Variants in ZHX2 observed in about 807,000 individuals in gnomAD.
ZHX2 encodes the protein zinc fingers and homeoboxes 2.
ZHX2 carries 6 observed loss-of-function variants against 21.9 expected under a neutral mutation model. That is an observed-to-expected ratio of 0.27 (90% CI 0.15 to 0.54). The LOEUF (loss-of-function observed/expected upper bound fraction) is 0.54. Ranked by LOEUF, ZHX2 falls within the 20% of genes least tolerant of loss-of-function variation. The probability of loss-of-function intolerance (pLI) is 0.95; values close to 1 mark genes in which losing one functional copy is unlikely to be tolerated. For synonymous variants in ZHX2, 434 were observed against 437.1 expected, an observed-to-expected ratio of 0.99 and a Z score of 0.09; for missense variants, 908 against 1,090.7, an observed-to-expected ratio of 0.83 and a Z score of 2.36.
At chr8:122,912,862 G>A (rs60158415) in intron 2 of ZHX2, among the ~76,000 whole-genome samples, 44,486 of 151,406 alleles carry the variant, frequency 0.29, 8,033 homozygotes, top group African/African-American at 0.52. Flanking sequence ...TTAAGAAAAA[G>A]AAAAACAGCT....
rs79577307 is a variant in ZHX2 at position 122,899,707 on chromosome 8, A to G, written c.-220+36168A>G. Among the ~76,000 whole-genome samples, 1,182 of 151,574 alleles carry G rather than the reference A, an allele frequency of 7.8e-3. 4 individuals carry two copies. Among genetic ancestry groups the G allele is most frequent in the Middle Eastern group, 0.041 (12 of 292 alleles). On this transcript the variant is annotated intron_variant, in intron 2 of 3. Transcript: ENST00000314393. ...ATTCCACAGTCACACCTCACATCTC[A>G]CTTGCTGATCTCCTGTCTTACATGG...
intron 2 of ZHX2, among the ~76,000 whole-genome samples, chr8:122,943,087 C>T (rs1812885892): frequency 6.6e-6 from 1 of 152,028 alleles, no homozygotes; most frequent in African/African-American, 2.4e-5. Context: ...CATGGCGAAA[C>T]CCCATCTTTA....
rs779784472 is a variant in ZHX2 at position 122,953,786 on chromosome 8, G to A, written c.2276G>A (p.Cys759Tyr). 6 of 1,614,254 alleles carry A rather than the reference G, an allele frequency of 3.7e-6. No homozygotes were observed. Among genetic ancestry groups the A allele is most frequent in the Non-Finnish European group, 5.1e-6 (6 of 1,180,044 alleles). The part of the protein sequence containing the change: ...VKVGSEPAKD[C>Y]LPAKPSEATS... ...GTAGGCAGCGAGCCAGCAAAAGACT[G>A]TTTGCCAGCAAAGCCCTCAGAGGCC... The change falls in exon 3 of 4, where the codon TGT becomes TAT. Residue 759 changes from cysteine (C) to tyrosine (Y), a missense_variant. Transcript: ENST00000314393. The surrounding 1 kb of genome is among the most constrained non-coding windows in gnomAD (Gnocchi z 4.6).
chr8:122,782,132 G>T lies in ZHX2; in HGVS notation c.-283+186G>T, dbSNP rs1000936843. ...TTGGAAGGGGGGTACGGAAGGGGGG[G>T]GGTGTGCAGGCTCTTTTTGCGGGTG... On this transcript the variant is annotated intron_variant, in intron 1 of 3. Transcript: ENST00000314393. This position sits in a 1 kb window ranked among gnomAD's most constrained non-coding sequence, Gnocchi z 5.3. Among the ~76,000 whole-genome samples, 7 of 148,786 alleles carry T rather than the reference G, an allele frequency of 4.7e-5. No homozygotes were observed. The highest frequency in any genetic ancestry group is 9.8e-5 in the African/African-American group (4 of 40,996).
intron 2 of ZHX2, among the ~76,000 whole-genome samples, chr8:122,883,778 G>A (rs765295837): frequency 2.0e-5 from 3 of 152,240 alleles, no homozygotes; most frequent in Non-Finnish European, 2.9e-5. Flanking sequence ...CAGCTTGTGA[G>A]TTTCTGTGAA....
Position 122,932,876 on chromosome 8 carries a change from G to A in ZHX2, c.-219-18416G>A, listed in dbSNP as rs189571101. Among the ~76,000 whole-genome samples, 839 of 152,176 alleles carry A rather than the reference G, an allele frequency of 5.5e-3. 3 individuals are homozygous for A. The highest frequency in any genetic ancestry group is 9.0e-3 in the African/African-American group (372 of 41,514). ...CCTGGGTCCTGTGTAAAGAGATGCCGAAACACAGCCTCTCGGTGTGGTTTG... is the reference window on the plus strand; with the variant it reads ...CCTGGGTCCTGTGTAAAGAGATGCCAAAACACAGCCTCTCGGTGTGGTTTG... On this transcript the variant is annotated intron_variant, in intron 2 of 3. Transcript: ENST00000314393.
chr8:122,940,221 C>T (rs1812807469), intron 2 of ZHX2, among the ~76,000 whole-genome samples: 1 of 152,218 alleles, frequency 6.6e-6, no homozygotes, highest in African/African-American at 2.4e-5. Context: ...CCCACTTCTA[C>T]TGACCTGGTG....
rs561617063 is a variant in ZHX2, at chr8:122,973,662, T to C, written c.*425T>C. ...TTTTCTCTTTTCTCTTTTTCTTTTT[T>C]TTATTTTTGTTTTATTAATTTGGGG... is the stretch of plus-strand genomic sequence containing the variant. On this transcript the variant is annotated 3_prime_UTR_variant, in exon 4 of 4. Transcript: ENST00000314393. 1 of 152,784 alleles carries C rather than the reference T, an allele frequency of 6.5e-6. No individual in the cohort carries two copies. The highest frequency in any genetic ancestry group is 6.5e-5 in the Admixed American group (1 of 15,302). 9.5% of individuals were successfully genotyped at this position (152,784 alleles called of 1,614,324 possible).
intron 1 of ZHX2, among the ~76,000 whole-genome samples, chr8:122,803,504 G>A (rs1452859713): frequency 6.6e-6 from 1 of 152,186 alleles, no homozygotes; most frequent in Non-Finnish European, 1.5e-5. Context: ...GGGCTGTCCT[G>A]TGCATCATAG....
At chr8:122,941,801 T>C (rs760905170) in intron 2 of ZHX2, among the ~76,000 whole-genome samples, 10 of 152,228 alleles carry the variant, frequency 6.6e-5, no homozygotes, top group Non-Finnish European at 1.3e-4. Context: ...GTGCCGCAGT[T>C]GCGTGACTTC....
intron 1 of ZHX2, among the ~76,000 whole-genome samples, chr8:122,799,765 G>A (rs368615530): frequency 2.0e-5 from 3 of 152,184 alleles, no homozygotes; most frequent in East Asian, 1.9e-4. Flanking sequence ...CCAGATTCTC[G>A]AGGAGAGTCC....
At chr8:122,852,030 AC>A (rs1294745916) in intron 1 of ZHX2, among the ~76,000 whole-genome samples, 6 of 152,272 alleles carry the variant, frequency 3.9e-5, no homozygotes, top group African/African-American at 1.4e-4. Flanking sequence ...AATTTTGAGT[AC>A]TATTTTTGCT....
chr8:122,867,428 G>A (rs1308935111), intron 2 of ZHX2, among the ~76,000 whole-genome samples: 5 of 152,184 alleles, frequency 3.3e-5, no homozygotes, highest in Non-Finnish European at 7.3e-5. Context: ...GAATGCACCT[G>A]ACCTGTACTT....
In ZHX2 at chr8:122,879,974, T is replaced by TTC. The variant is rs1198537346; in HGVS notation, c.-220+16436_-220+16437insCT. Among the ~76,000 whole-genome samples the TTC allele has an allele frequency of 2.1e-5, 3 of 140,158 alleles. No individual in the cohort carries two copies. In the East Asian group the frequency reaches 6.0e-4, roughly 28 times the overall value. 91.9% of individuals were successfully genotyped at this position (140,158 alleles called of 152,430 possible). On this transcript the variant is annotated intron_variant, in intron 2 of 3. Coordinates refer to ENST00000314393, the MANE Select transcript of ZHX2 (RefSeq NM_014943.5). Reference sequence around the variant, plus strand: ...ACTGAGAGAGGTTCTATTGTTACCTTTTTTTTTTTTTTTTTTTAGATGGAG... The same window carrying TTC: ...ACTGAGAGAGGTTCTATTGTTACCTTTCTTTTTTTTTTTTTTTTTAGATGGAG...
At position 122,823,889 on chromosome 8, in the gene ZHX2, C is replaced by G. The variant is rs551685362; in HGVS notation, c.-282-39588C>G. 4.6e-5 allele frequency among the ~76,000 whole-genome samples: 7 copies of G among 152,298 alleles called. No individual in the cohort carries two copies. The South Asian group carries it at 6.2e-4, about 14-fold the overall frequency. On this transcript the variant is annotated intron_variant, in intron 1 of 3. Coordinates refer to ENST00000314393, the MANE Select transcript of ZHX2 (RefSeq NM_014943.5). ...ACTTTTGCGTTGTCTGTCTTCCACA[C>G]AGTAGTGAAGCTCCATGCTGTAGGG...
At chr8:122,865,103 G>A (rs1015476632) in intron 2 of ZHX2, among the ~76,000 whole-genome samples, 12 of 152,086 alleles carry the variant, frequency 7.9e-5, no homozygotes, top group African/African-American at 2.9e-4. Context: ...GGAGGGAGAG[G>A]AGAGGACTGA....
chr8:122,873,151 T>C lies in ZHX2; in HGVS notation c.-220+9612T>C, dbSNP rs138469416. ...GGAATAAACCAAAGCCAAATTACCA[T>C]ATGTAAGTCCTGCACTGCCTTAAAA... On this transcript the variant is annotated intron_variant, in intron 2 of 3. Transcript: ENST00000314393. 8.8e-3 allele frequency among the ~76,000 whole-genome samples: 1,340 copies of C among 152,220 alleles called. 11 individuals are homozygous for C. Among genetic ancestry groups the C allele is most frequent in the Middle Eastern group, 0.02 (6 of 294 alleles).
intron 2 of ZHX2, among the ~76,000 whole-genome samples, chr8:122,894,648 G>C (rs1820054635): frequency 6.6e-6 from 1 of 152,124 alleles, no homozygotes; most frequent in African/African-American, 2.4e-5. Flanking sequence ...GCCTGTTATG[G>C]GGTGCGGGGA....
At chr8:122,868,419 G>C (rs1039826053) in intron 2 of ZHX2, among the ~76,000 whole-genome samples, 1 of 151,986 alleles carries the variant, frequency 6.6e-6, no homozygotes, top group Non-Finnish European at 1.5e-5. Context: ...AGGCTGAGGC[G>C]GGAAGATCAC....
Sources: allele counts gnomAD v4.1 joint callset (sites outside exome capture counted in the v4.1 genomes callset), GRCh38; gene constraint gnomAD v4.1.1; non-coding constraint Gnocchi (gnomAD v3.1); transcripts MANE v1.5; gene names NCBI Gene and HGNC (gene_info 2026-07-23, HGNC 2026-07-21).